The following SLCO1A2 variants were observed in gnomAD, a reference collection of about 807,000 sequenced individuals.
The protein encoded by SLCO1A2 is solute carrier organic anion transporter family member 1A2.
A neutral mutation model predicts 69.0 loss-of-function variants in SLCO1A2; 67 were observed. The observed-to-expected ratio is 0.97, with a 90% CI of 0.80 to 1.19. The LOEUF (loss-of-function observed/expected upper bound fraction) is 1.19. Among genes scored for constraint, SLCO1A2 ranks in the 50% most tolerant of loss-of-function variants. SLCO1A2 has a pLI of 0.00. For missense variants in SLCO1A2, 787 were observed against 793.7 expected, an observed-to-expected ratio of 0.99 and a Z score of 0.10; for synonymous variants, 260 against 265.9, an observed-to-expected ratio of 0.98 and a Z score of 0.22.
chr12:21,394,324 G>A (rs141363354), intron 1 of SLCO1A2, among the ~76,000 whole-genome samples: 1 of 152,082 alleles, frequency 6.6e-6, no homozygotes, highest in African/African-American at 2.4e-5. Flanking sequence ...TTAAGTCCAG[G>A]AGTTTGAGAC....
intron 1 of SLCO1A2, among the ~76,000 whole-genome samples, chr12:21,385,504 T>C (rs1490198344): frequency 6.6e-6 from 1 of 152,208 alleles, no homozygotes; most frequent in African/African-American, 2.4e-5. Flanking sequence ...AGCAAAGCTC[T>C]AAGAGAACAG....
At chr12:21,410,682 T>A (rs1472462390) in intron 1 of SLCO1A2, among the ~76,000 whole-genome samples, 1 of 152,208 alleles carries the variant, frequency 6.6e-6, no homozygotes, top group Non-Finnish European at 1.5e-5. Context: ...AAATCCAAAC[T>A]GTATTCTAGT....
chr12:21,314,412 G>T, intron 4 of SLCO1A2, 137 bp downstream of exon 4: 1 of 896,422 alleles, frequency 1.1e-6, no homozygotes, highest in South Asian at 1.9e-5. Context: ...TAGACAGATG[G>T]AACAGAATGT....
intron 12 of SLCO1A2, among the ~76,000 whole-genome samples, chr12:21,289,802 T>C (rs1029756532): frequency 2.6e-5 from 4 of 151,576 alleles, no homozygotes; most frequent in African/African-American, 9.7e-5. Context: ...GATTTTGTGA[T>C]TGACATCTAA....
At chr12:21,356,025 A>G (rs976751254) in intron 2 of SLCO1A2, among the ~76,000 whole-genome samples, 1 of 152,128 alleles carries the variant, frequency 6.6e-6, no homozygotes, top group African/African-American at 2.4e-5. Flanking sequence ...GAAATTATAC[A>G]GGATTATCAC....
At chr12:21,330,606 G>T (rs1327955198) in intron 2 of SLCO1A2, among the ~76,000 whole-genome samples, 1 of 152,100 alleles carries the variant, frequency 6.6e-6, no homozygotes, top group Non-Finnish European at 1.5e-5. Context: ...AAAAACTGAA[G>T]CAGTAGGGCA....
chr12:21,299,868 G>T (rs11045950), intron 8 of SLCO1A2, among the ~76,000 whole-genome samples: 14,027 of 105,706 alleles, frequency 0.13, 899 homozygotes, highest in Non-Finnish European at 0.16. Flanking sequence ...ATATATATAC[G>T]TGTGTGTATA....
chr12:21,312,331 GTAGAA>G (rs1950331403), intron 4 of SLCO1A2, among the ~76,000 whole-genome samples: 2 of 152,096 alleles, frequency 1.3e-5, no homozygotes. Context: ...CTTAACTTTC[GTAGAA>G]TAGAAGAGAG....
At chr12:21,395,713 C>A (rs905604056), upstream of SLCO1A2, among the ~76,000 whole-genome samples, 4 of 152,140 alleles carry the variant, frequency 2.6e-5, no homozygotes, top group African/African-American at 4.8e-5. Flanking sequence ...GGGTCCCTGA[C>A]CCCTGACCCC....
intron 1 of SLCO1A2, among the ~76,000 whole-genome samples, chr12:21,412,630 A>G (rs1941926374): frequency 6.6e-6 from 1 of 152,188 alleles, no homozygotes; most frequent in Non-Finnish European, 1.5e-5. Context: ...AATTTGTCCA[A>G]GACTGATTCC....
chr12:21,280,517 A>C (rs1053636539), intron 12 of SLCO1A2, among the ~76,000 whole-genome samples: 1 of 152,200 alleles, frequency 6.6e-6, no homozygotes, highest in Middle Eastern at 3.4e-3. Flanking sequence ...GGATTAATTA[A>C]GCAAGAGGAC....
upstream of SLCO1A2, among the ~76,000 whole-genome samples, chr12:21,396,327 GA>G (rs1258082460): frequency 6.7e-6 from 1 of 150,146 alleles, no homozygotes; most frequent in Non-Finnish European, 1.5e-5. Flanking sequence ...AGAGAAAAAA[GA>G]ATAAAAAGAA....
intron 2 of SLCO1A2, among the ~76,000 whole-genome samples, chr12:21,353,438 G>A (rs181473327): frequency 2.1e-4 from 32 of 151,380 alleles, no homozygotes; most frequent in Non-Finnish European, 2.2e-4. Context: ...TGGAAGGTTC[G>A]TAGCCTCTTT....
chr12:21,370,360 G>A (rs1191866073), intron 2 of SLCO1A2, among the ~76,000 whole-genome samples: 1 of 151,538 alleles, frequency 6.6e-6, no homozygotes, highest in African/African-American at 2.4e-5. Context: ...TTAAGTTTTA[G>A]GGTACATGTG....
chr12:21,399,938 G>C (rs1941630546), upstream of SLCO1A2, among the ~76,000 whole-genome samples: 1 of 151,918 alleles, frequency 6.6e-6, no homozygotes, highest in Non-Finnish European at 1.5e-5. Context: ...AGAAAAGCTA[G>C]GCATTACCAT....
Position 21,268,373 on chromosome 12 carries a change from A to G in SLCO1A2, c.*1175T>C, listed in dbSNP as rs932727338. 22 of 152,006 alleles carry G rather than the reference A, an allele frequency of 1.4e-4. No homozygotes were observed. Among genetic ancestry groups the G allele is most frequent in the African/African-American group, 5.1e-4 (21 of 41,402 alleles). The allele number at this position is 152,006 out of a possible 1,614,324, so 9.4% of individuals were successfully genotyped here. ...CACTTCTCCCACCCTTCCTTACTCC[A>G]TTCTCTTCATCCATTAGGGATTTAT... On this transcript the variant is annotated 3_prime_UTR_variant, in exon 15 of 15. Transcript: ENST00000683939.
chr12:21,353,525 T>C (rs1452815421), intron 2 of SLCO1A2, among the ~76,000 whole-genome samples: 1 of 151,986 alleles, frequency 6.6e-6, no homozygotes, highest in Non-Finnish European at 1.5e-5. Context: ...CAAAGCTCAG[T>C]GGCTTTGGTA....
chr12:21,392,574 A>G (rs953342372), intron 1 of SLCO1A2, among the ~76,000 whole-genome samples: 2 of 152,232 alleles, frequency 1.3e-5, no homozygotes, highest in Non-Finnish European at 2.9e-5. Flanking sequence ...AGTGGGACAC[A>G]CAGCACAACT....
intron 1 of SLCO1A2, among the ~76,000 whole-genome samples, chr12:21,405,358 G>A (rs2900484): frequency 0.16 from 23,577 of 151,548 alleles, 2,026 homozygotes; most frequent in East Asian, 0.38. Context: ...TATAGTTTTG[G>A]GTTTTACATT....
Sources: gnomAD v4.1 joint callset for allele counts (sites outside exome capture counted in the v4.1 genomes callset) on GRCh38, gnomAD v4.1.1 for gene constraint, MANE v1.5 for transcripts, NCBI Gene and HGNC (gene_info 2026-07-23, HGNC 2026-07-21) for gene names.